Variants in SELENOT observed in about 807,000 individuals in gnomAD.
SELENOT encodes thioredoxin reductase-like selenoprotein T.
In SELENOT, 9 loss-of-function variants were observed where a neutral mutation model predicts 24.3. The ratio of observed to expected loss-of-function variants is 0.37; its 90% CI spans 0.22 to 0.65. SELENOT has a LOEUF of 0.65. Ranked by LOEUF, SELENOT falls within the 30% of genes least tolerant of loss-of-function variation. The pLI is 0.60. For synonymous variants in SELENOT, 81 were observed against 86.0 expected (o/e 0.94, Z 0.32); for missense variants, 166 against 247.6 (o/e 0.67, Z 2.21).
chr3:150,617,323 A>G (rs920110193), intron 1 of SELENOT, among the ~76,000 whole-genome samples: 1 of 152,204 alleles, frequency 6.6e-6, no homozygotes, highest in African/African-American at 2.4e-5. Flanking sequence ...AATTGAGGAA[A>G]GGCATGGTAA....
chr3:150,611,828 C>T (rs1726100935), intron 1 of SELENOT: 2 of 920,748 alleles, frequency 2.2e-6, no homozygotes, highest in Admixed American at 2.8e-5. Context: ...GCGACCACAG[C>T]GGCCACTGCG....
chr3:150,621,811 C>G lies in SELENOT; in HGVS notation c.138-574C>G, dbSNP rs548457444. Among the ~76,000 whole-genome samples, 5 of 151,942 alleles carry G rather than the reference C, an allele frequency of 3.3e-5. No homozygotes were observed. The East Asian group carries it at 5.8e-4, about 18-fold the overall frequency. On this transcript the variant is annotated intron_variant, in intron 1 of 5. Coordinates refer to ENST00000471696, the MANE Select transcript of SELENOT (RefSeq NM_016275.5). ...TTAGAAGGGTTCTAAGTCTAAGTTC[C>G]TTTTCTTGTGCTTGGGCAAACAAGT...
At chr3:150,606,145 TC>T (rs1173682500) in intron 1 of SELENOT, among the ~76,000 whole-genome samples, 1 of 146,152 alleles carries the variant, frequency 6.8e-6, no homozygotes, top group Non-Finnish European at 1.5e-5. Flanking sequence ...TTCCTTTCTT[TC>T]TTCCTTTTTT....
At chr3:150,604,011 T>C (rs1159588094) in intron 1 of SELENOT, among the ~76,000 whole-genome samples, 1 of 152,242 alleles carries the variant, frequency 6.6e-6, no homozygotes, top group Non-Finnish European at 1.5e-5. Context: ...GCCGTTTTTC[T>C]CCTGAACTTG....
chr3:150,627,068 T>C lies in SELENOT; in HGVS notation c.522T>C (p.Val174=). Reference sequence around the variant, plus strand: ...ACCTTCCATCCATGCAACAACTTGTTCAAATTCTTGACAATGAAATGAAGC... The same window carrying C: ...ACCTTCCATCCATGCAACAACTTGTCCAAATTCTTGACAATGAAATGAAGC... ...SGHLPSMQQL[V]QILDNEMKLN... The change falls in exon 5 of 6, where the codon GTT becomes GTC. Residue 174 remains valine, a synonymous_variant. Transcript: ENST00000471696. 6.2e-7 allele frequency: 1 copy of C among 1,613,860 alleles called. No homozygotes were observed. The highest frequency in any genetic ancestry group is 8.5e-7 in the Non-Finnish European group (1 of 1,179,820).
At chr3:150,622,032 G>A (rs1013242309) in intron 1 of SELENOT, among the ~76,000 whole-genome samples, 2 of 151,848 alleles carry the variant, frequency 1.3e-5, no homozygotes, top group Admixed American at 6.6e-5. Context: ...GGCCAAATCT[G>A]TGTGAGAGCT....
At position 150,607,266 on chromosome 3, in the gene SELENOT, A is replaced by G. The variant is rs560581556; in HGVS notation, c.137+3767A>G. Among the ~76,000 whole-genome samples the G allele has an allele frequency of 1.4e-4, 22 of 152,368 alleles. No individual in the cohort carries two copies. The South Asian group carries it at 3.9e-3, about 27-fold the overall frequency. On this transcript the variant is annotated intron_variant, in intron 1 of 5. Transcript: ENST00000471696. ...GTAAATGAAACAACTGTACCAAAACAGATTTTTATTTAAATTTACAACTAT... is the reference window on the plus strand; with the variant it reads ...GTAAATGAAACAACTGTACCAAAACGGATTTTTATTTAAATTTACAACTAT...
At chr3:150,603,758 C>T (rs1044914837) in intron 1 of SELENOT, 6 of 333,368 alleles carry the variant, frequency 1.8e-5, no homozygotes, top group Non-Finnish European at 3.3e-5. Context: ...GAAGGTTAAA[C>T]GCTGAAAGGC....
At chr3:150,611,986 A>G in intron 1 of SELENOT, 2 of 561,656 alleles carry the variant, frequency 3.6e-6, no homozygotes, top group Non-Finnish European at 6.1e-6. Flanking sequence ...CAGAACACCA[A>G]CTGGGCCTGC....
At chr3:150,622,614 C>A in intron 2 of SELENOT, 119 bp downstream of exon 2, 1 of 451,276 alleles carries the variant, frequency 2.2e-6, no homozygotes, top group Non-Finnish European at 3.9e-6. Context: ...TAATAATATA[C>A]AGAGAATGCT....
chr3:150,624,599 T>A (rs1004791203), intron 3 of SELENOT, among the ~76,000 whole-genome samples: 5 of 152,186 alleles, frequency 3.3e-5, no homozygotes, highest in African/African-American at 1.2e-4. Flanking sequence ...TATTATGAAA[T>A]CTCTCAAATT....
chr3:150,616,587 AAC>A (rs1326061378), intron 1 of SELENOT, among the ~76,000 whole-genome samples: 1 of 152,226 alleles, frequency 6.6e-6, no homozygotes, highest in Non-Finnish European at 1.5e-5. Flanking sequence ...GTAGCCAAAA[AAC>A]ACATGAAAAA....
At chr3:150,606,836 T>G (rs376334880) in intron 1 of SELENOT, among the ~76,000 whole-genome samples, 1 of 152,156 alleles carries the variant, frequency 6.6e-6, no homozygotes, top group Non-Finnish European at 1.5e-5. Context: ...CAAAGTGACC[T>G]ACCCACCTTG....
chr3:150,606,000 A>G (rs1248989871), intron 1 of SELENOT, among the ~76,000 whole-genome samples: 1 of 152,184 alleles, frequency 6.6e-6, no homozygotes, highest in African/African-American at 2.4e-5. Flanking sequence ...TTTATCAAAA[A>G]TAACTATACC....
At chr3:150,603,742 G>C (rs1725897957) in intron 1 of SELENOT, 1 of 374,924 alleles carries the variant, frequency 2.7e-6, no homozygotes, top group East Asian at 4.4e-5. Context: ...GGGAAGGAGG[G>C]CGCGAGAAGG....
intron 1 of SELENOT, among the ~76,000 whole-genome samples, chr3:150,607,367 A>T (rs1281618790): frequency 6.6e-6 from 1 of 152,254 alleles, no homozygotes; most frequent in African/African-American, 2.4e-5. Flanking sequence ...ACTCATCAAG[A>T]TTAGTAGTAA....
At chr3:150,612,079 T>C (rs1043354161) in intron 1 of SELENOT, among the ~76,000 whole-genome samples, 2 of 151,052 alleles carry the variant, frequency 1.3e-5, no homozygotes, top group Middle Eastern at 6.5e-3. Flanking sequence ...CCCAGCTCAC[T>C]GTTACATGGG....
Position 150,628,738 on chromosome 3 carries a change from A to C in SELENOT, c.*1109A>C, listed in dbSNP as rs1435592824. The C allele has an allele frequency of 6.6e-6, 1 of 152,224 alleles. No homozygotes were observed. The highest frequency in any genetic ancestry group is 1.5e-5 in the Non-Finnish European group (1 of 68,036). 9.4% of individuals were successfully genotyped at this position (152,224 alleles called of 1,614,324 possible). On this transcript the variant is annotated 3_prime_UTR_variant, in exon 6 of 6. Coordinates refer to ENST00000471696, the MANE Select transcript of SELENOT (RefSeq NM_016275.5). ...GCAGTTTTTTAAAAAACTTAAGTTG[A>C]TAAAAACTGTAAGAATAATTTAGCA...
chr3:150,604,699 T>C (rs1725918628), intron 1 of SELENOT, among the ~76,000 whole-genome samples: 1 of 152,238 alleles, frequency 6.6e-6, no homozygotes, highest in Non-Finnish European at 1.5e-5. Context: ...GGTGAGACTT[T>C]ATTTTTTTGA....
Sources: gnomAD v4.1 joint callset for allele counts (sites outside exome capture counted in the v4.1 genomes callset) on GRCh38, gnomAD v4.1.1 for gene constraint, MANE v1.5 for transcripts, NCBI Gene and HGNC (gene_info 2026-07-23, HGNC 2026-07-21) for gene names.